Variants in SOX6 observed in about 807,000 individuals in gnomAD.
The protein encoded by SOX6 is SRY-box transcription factor 6.
In SOX6, 11 loss-of-function variants were observed where a neutral mutation model predicts 97.8. The observed-to-expected ratio is 0.11, with a 90% confidence interval of 0.07 to 0.19. The LOEUF (loss-of-function observed/expected upper bound fraction) is 0.19. Among genes scored for constraint, SOX6 ranks in the 10% least tolerant of loss-of-function variants. The probability of loss-of-function intolerance (pLI) is 1.00; values close to 1 mark genes in which losing one functional copy is unlikely to be tolerated. For missense variants in SOX6, 810 were observed against 1,039.5 expected, an observed-to-expected ratio of 0.78 and a Z score of 3.04; for synonymous variants, 360 against 371.4, an observed-to-expected ratio of 0.97 and a Z score of 0.35.
At chr11:16,189,389 G>A (rs986992514) in intron 4 of SOX6, among the ~76,000 whole-genome samples, 19 of 151,760 alleles carry the variant, frequency 1.3e-4, no homozygotes, top group Non-Finnish European at 1.9e-4. Context: ...AAAAGAAAAC[G>A]CTATAGGCAA....
chr11:16,143,406 T>G (rs1485430547), intron 6 of SOX6, among the ~76,000 whole-genome samples: 1 of 151,968 alleles, frequency 6.6e-6, no homozygotes, highest in South Asian at 2.1e-4. Flanking sequence ...CATGCCAAAT[T>G]GTAAAGATCA....
chr11:16,226,846 G>A (rs1852703409), intron 4 of SOX6, among the ~76,000 whole-genome samples: 1 of 152,122 alleles, frequency 6.6e-6, no homozygotes, highest in Non-Finnish European at 1.5e-5. Context: ...ACATAGAAAA[G>A]GGTAAAAGTG....
intron 6 of SOX6, among the ~76,000 whole-genome samples, chr11:16,139,017 T>G (rs567220493): frequency 6.6e-6 from 1 of 152,330 alleles, no homozygotes; most frequent in South Asian, 2.1e-4. Context: ...CCTAAACTTT[T>G]TTCCTAATGT....
At chr11:16,349,702 AAGGAAGGAAG>A (rs1856872890) in intron 1 of SOX6, among the ~76,000 whole-genome samples, 9 of 48,004 alleles carry the variant, frequency 1.9e-4, no homozygotes, top group African/African-American at 5.0e-4. Context: ...GGAAGGAAGG[AAGGAAGGAAG>A]GAAGAAGGAA....
At chr11:16,614,876 T>C (rs1488913653) in intron 3 of SOX6, among the ~76,000 whole-genome samples, 5 of 152,262 alleles carry the variant, frequency 3.3e-5, no homozygotes, top group African/African-American at 1.2e-4. Flanking sequence ...TATTTTGTTT[T>C]ATATGAGCAT....
chr11:15,980,780 C>A (rs1853631263), intron 15 of SOX6, among the ~76,000 whole-genome samples: 1 of 152,058 alleles, frequency 6.6e-6, no homozygotes. Flanking sequence ...GCATAATAAT[C>A]TCTCTTCCTC....
chr11:16,023,482 A>G (rs142562092), intron 12 of SOX6, among the ~76,000 whole-genome samples: 1 of 152,296 alleles, frequency 6.6e-6, no homozygotes, highest in East Asian at 1.9e-4. Context: ...AAATATAAAT[A>G]ATTAAAAGAC....
chr11:16,301,302 C>CA, intron 3 of SOX6, among the ~76,000 whole-genome samples: 1 of 152,144 alleles, frequency 6.6e-6, no homozygotes, highest in East Asian at 1.9e-4. Flanking sequence ...TAACCGATCA[C>CA]GAAGATGGCT....
chr11:16,717,772 G>T (rs530668755), intron 2 of SOX6, among the ~76,000 whole-genome samples: 7 of 151,902 alleles, frequency 4.6e-5, no homozygotes, highest in African/African-American at 1.7e-4. Context: ...ACCTACATTT[G>T]AGCTATTCAC....
At chr11:16,601,742 T>C (rs919489732) in intron 4 of SOX6, among the ~76,000 whole-genome samples, 14 of 152,098 alleles carry the variant, frequency 9.2e-5, no homozygotes, top group African/African-American at 3.4e-4. Flanking sequence ...TAGACATGTG[T>C]AGCAATTTCA....
In SOX6 at chr11:15,970,824, C is replaced by G. The variant is rs549226332; in HGVS notation, c.*1985G>C. On this transcript the variant is annotated 3_prime_UTR_variant, in exon 16 of 16. Coordinates refer to ENST00000683767, the MANE Select transcript of SOX6 (RefSeq NM_001367873.1). Reference sequence around the variant, plus strand: ...GCTCAAGAAATCTGATGGGGCCATTCCTATGTCCTGGTGATCAGATTCTGG... The same window carrying G: ...GCTCAAGAAATCTGATGGGGCCATTGCTATGTCCTGGTGATCAGATTCTGG... The G allele has an allele frequency of 6.5e-6, 1 of 152,750 alleles. No homozygotes were observed. The highest frequency in any genetic ancestry group is 2.1e-4 in the South Asian group (1 of 4,824). 9.5% of individuals were successfully genotyped at this position (152,750 alleles called of 1,614,324 possible).
At chr11:16,054,422 A>G (rs989121353) in intron 10 of SOX6, among the ~76,000 whole-genome samples, 1 of 152,072 alleles carries the variant, frequency 6.6e-6, no homozygotes, top group Admixed American at 6.6e-5. Context: ...TCATATCTCA[A>G]TATTTCTAAC....
In SOX6 at chr11:16,552,681, A is replaced by G. The variant is rs576372276; in HGVS notation, n.609+59400T>C. Among the ~76,000 whole-genome samples the G allele has an allele frequency of 7.2e-5, 11 of 152,318 alleles. No individual in the cohort carries two copies. The East Asian group carries it at 1.7e-3, about 24-fold the overall frequency. ...CCTGGGAGTTACAGAAGTGAGGTTC[A>G]GGTCTCACAGCATAATAGAGGTTTG... On this transcript the variant is annotated intron_variant and non_coding_transcript_variant, in intron 4 of 5. Transcript: ENST00000524520.
intron 2 of SOX6, among the ~76,000 whole-genome samples, chr11:16,721,698 G>C (rs1263134990): frequency 6.8e-6 from 1 of 147,402 alleles, no homozygotes; most frequent in Non-Finnish European, 1.5e-5. Context: ...CTTTCACCAT[G>C]ATTGTAAGTT....
intron 3 of SOX6, chr11:16,284,003 TTAA>T (rs1397336781): frequency 3.3e-6 from 1 of 302,898 alleles, no homozygotes; most frequent in African/African-American, 2.3e-5. Context: ...GTTTACACTA[TTAA>T]TAATGAGATA....
intron 2 of SOX6, among the ~76,000 whole-genome samples, chr11:16,321,051 C>T (rs1855907077): frequency 6.6e-6 from 1 of 152,076 alleles, no homozygotes; most frequent in Non-Finnish European, 1.5e-5. Flanking sequence ...AGATGCCAGT[C>T]ATGGCTAGTA....
At chr11:16,243,484 C>T (rs534815303) in intron 3 of SOX6, among the ~76,000 whole-genome samples, 1 of 151,908 alleles carries the variant, frequency 6.6e-6, no homozygotes, top group South Asian at 2.1e-4. Flanking sequence ...TATTGTGTGT[C>T]AAGCAGCTAT....
intron 4 of SOX6, among the ~76,000 whole-genome samples, chr11:16,518,685 C>T (rs1415370918): frequency 6.6e-6 from 1 of 152,108 alleles, no homozygotes; most frequent in Non-Finnish European, 1.5e-5. Flanking sequence ...AACACATTCC[C>T]ATGATAGATC....
chr11:16,283,280 A>G (rs1854633125), intron 3 of SOX6, among the ~76,000 whole-genome samples: 2 of 150,344 alleles, frequency 1.3e-5, no homozygotes, highest in African/African-American at 2.4e-5. Flanking sequence ...ATAAACAATC[A>G]TAAACAAGAA....
Sources: allele counts gnomAD v4.1 joint callset (sites outside exome capture counted in the v4.1 genomes callset), GRCh38; gene constraint gnomAD v4.1.1; transcripts MANE v1.5; gene names NCBI Gene and HGNC (gene_info 2026-07-23, HGNC 2026-07-21).